Variants in EPB41 observed in about 807,000 individuals in gnomAD.
EPB41 encodes protein 4.1.
EPB41 carries 65 observed loss-of-function variants against 108.0 expected under a neutral mutation model. That is an observed-to-expected ratio of 0.60 (90% CI 0.49 to 0.74). The LOEUF (loss-of-function observed/expected upper bound fraction) is 0.74. EPB41 is among the 30% of genes least tolerant of loss of function. The pLI, the probability that EPB41 is intolerant of heterozygous loss-of-function variation, is 0.00. For synonymous variants in EPB41, 336 were observed against 358.9 expected (o/e 0.94, Z 0.72); for missense variants, 875 against 1,037.0 (o/e 0.84, Z 2.15).
chr1:29,008,799 T>G (rs1323237428), intron 4 of EPB41, among the ~76,000 whole-genome samples: 3 of 152,242 alleles, frequency 2.0e-5, no homozygotes, highest in Non-Finnish European at 4.4e-5. Context: ...GTGCTCCAGC[T>G]ATGCTGAACC....
At chr1:29,064,944 T>C in intron 15 of EPB41, 38 bp from the exon 16 acceptor site, 1 of 1,612,670 alleles carries the variant, frequency 6.2e-7, no homozygotes, top group Admixed American at 1.7e-5. Flanking sequence ...TTTGTCCTGA[T>C]TGTGTATTGT....
At chr1:28,915,560 A>G (rs921610101) in intron 1 of EPB41, among the ~76,000 whole-genome samples, 3 of 152,092 alleles carry the variant, frequency 2.0e-5, no homozygotes, top group African/African-American at 7.2e-5. Flanking sequence ...CACGTGAAAC[A>G]GATTGCTGAT....
chr1:28,986,190 ATTACT>A (rs1296496647), intron 1 of EPB41, among the ~76,000 whole-genome samples: 1 of 152,070 alleles, frequency 6.6e-6, no homozygotes, highest in Non-Finnish European at 1.5e-5. Context: ...ATATTTTTTA[ATTACT>A]TTATTTAATA....
At chr1:29,050,850 T>G (rs1361999956) in intron 11 of EPB41, among the ~76,000 whole-genome samples, 1 of 151,614 alleles carries the variant, frequency 6.6e-6, no homozygotes, top group African/African-American at 2.4e-5. Flanking sequence ...TAATTTTTTG[T>G]ATTTTTTAGT....
intron 1 of EPB41, among the ~76,000 whole-genome samples, chr1:28,891,556 C>T (rs916516577): frequency 6.6e-6 from 1 of 152,202 alleles, no homozygotes; most frequent in Admixed American, 6.5e-5. Flanking sequence ...GTCCCTTCAC[C>T]TAACTGTCCT....
At chr1:28,988,098 A>G (rs1370290713) in intron 2 of EPB41, among the ~76,000 whole-genome samples, 193 bp downstream of exon 2, 2 of 152,172 alleles carry the variant, frequency 1.3e-5, no homozygotes, top group African/African-American at 4.8e-5. Flanking sequence ...CCCTGTCTCT[A>G]CTAAAAGTAC....
chr1:28,989,668 A>G (rs2095959528), intron 2 of EPB41, among the ~76,000 whole-genome samples: 2 of 152,170 alleles, frequency 1.3e-5, no homozygotes, highest in African/African-American at 2.4e-5. Context: ...AAGATTTACT[A>G]TGTTCTGTAA....
At chr1:28,899,049 G>C (rs1389867683) in intron 1 of EPB41, among the ~76,000 whole-genome samples, 3 of 152,184 alleles carry the variant, frequency 2.0e-5, no homozygotes, top group Admixed American at 6.5e-5. Flanking sequence ...TTATGGAACA[G>C]ACACGGACCT....
intron 16 of EPB41, among the ~76,000 whole-genome samples, chr1:29,073,936 A>G (rs924267827): frequency 6.6e-6 from 1 of 152,204 alleles, no homozygotes; most frequent in Non-Finnish European, 1.5e-5. Flanking sequence ...CTTTGGATAT[A>G]ATAACCCAAT....
chr1:29,051,751 AGCCAG>A (rs1644550805), intron 11 of EPB41, among the ~76,000 whole-genome samples: 1 of 152,114 alleles, frequency 6.6e-6, no homozygotes, highest in Non-Finnish European at 1.5e-5. Context: ...ACAAAAAATT[AGCCAG>A]GCATGGTGGC....
At chr1:29,044,977 T>C (rs1267731362) in intron 11 of EPB41, among the ~76,000 whole-genome samples, 1 of 152,256 alleles carries the variant, frequency 6.6e-6, no homozygotes, top group Admixed American at 6.5e-5. Context: ...CTTGTATTGA[T>C]CTTTGTGTAC....
intron 1 of EPB41, among the ~76,000 whole-genome samples, chr1:28,967,456 A>G (rs1399453058): frequency 1.3e-5 from 2 of 152,330 alleles, no homozygotes; most frequent in East Asian, 3.9e-4. Context: ...TAATGTGAGG[A>G]ACAGTTTAAG....
At chr1:29,010,208 G>A (rs899249656) in intron 4 of EPB41, among the ~76,000 whole-genome samples, 18 of 152,204 alleles carry the variant, frequency 1.2e-4, no homozygotes, top group Admixed American at 1.0e-3. Context: ...GCATGGTGGT[G>A]GTTGCCTGTA....
intron 8 of EPB41, among the ~76,000 whole-genome samples, chr1:29,031,256 T>C (rs1317598601): frequency 6.6e-6 from 1 of 152,208 alleles, no homozygotes; most frequent in Non-Finnish European, 1.5e-5. Flanking sequence ...GAAATTGATT[T>C]TCCTAACATG....
At chr1:28,888,782 C>T (rs1469298598) in intron 1 of EPB41, among the ~76,000 whole-genome samples, 1 of 152,166 alleles carries the variant, frequency 6.6e-6, no homozygotes, top group East Asian at 1.9e-4. Flanking sequence ...CGCCCGCCAC[C>T]GCGCCCGGCT....
intron 1 of EPB41, among the ~76,000 whole-genome samples, chr1:28,977,847 T>G (rs920525271): frequency 6.7e-6 from 1 of 150,148 alleles, no homozygotes; most frequent in African/African-American, 2.4e-5. Context: ...TAGTAAGTGA[T>G]CCATAGGGTT....
Position 28,887,430 on chromosome 1 carries a change from G to A in EPB41, c.-8+220G>A, listed in dbSNP as rs1221692554. Reference sequence around the variant, plus strand: ...AAGTTCAGGGTGCAGGGAGGGGCGTGGGAGTCTGGAGAGGGGGTCCGGGAG... The same window carrying A: ...AAGTTCAGGGTGCAGGGAGGGGCGTAGGAGTCTGGAGAGGGGGTCCGGGAG... On this transcript the variant is annotated intron_variant, in intron 1 of 16. Coordinates refer to the EPB41 transcript ENST00000347529. The surrounding 1 kb of genome is among the most constrained non-coding windows in gnomAD (Gnocchi z 4.9). The A allele has an allele frequency of 1.0e-6, 1 of 985,276 alleles. No individual in the cohort carries two copies. The highest frequency in any genetic ancestry group is 1.2e-6 in the Non-Finnish European group (1 of 829,916). 61.0% of individuals were successfully genotyped at this position (985,276 alleles called of 1,614,324 possible).
intron 1 of EPB41, among the ~76,000 whole-genome samples, chr1:28,986,973 A>G (rs1365476822): frequency 6.6e-6 from 1 of 152,230 alleles, no homozygotes; most frequent in Non-Finnish European, 1.5e-5. Context: ...AAAGAACAAT[A>G]AAGACTGGGG....
chr1:29,088,402 A>T (rs1660031297), intron 16 of EPB41, among the ~76,000 whole-genome samples: 1 of 152,060 alleles, frequency 6.6e-6, no homozygotes, highest in Non-Finnish European at 1.5e-5. Flanking sequence ...ATCTAGATTA[A>T]CACCTTTGAA....
Sources: allele counts gnomAD v4.1 joint callset (sites outside exome capture counted in the v4.1 genomes callset), GRCh38; gene constraint gnomAD v4.1.1; non-coding constraint Gnocchi (gnomAD v3.1); transcripts MANE v1.5; gene names NCBI Gene and HGNC (gene_info 2026-07-23, HGNC 2026-07-21).